Variants in PRKCH observed in about 807,000 individuals in gnomAD.
PRKCH encodes protein kinase C eta type.
In PRKCH, 28 loss-of-function variants were observed where a neutral mutation model predicts 82.5. The observed-to-expected ratio is 0.34, with a 90% CI of 0.25 to 0.47. The LOEUF is 0.47. PRKCH is among the 20% of genes least tolerant of loss of function. The probability of loss-of-function intolerance (pLI) is 1.00; values close to 1 mark genes in which losing one functional copy is unlikely to be tolerated. For missense variants in PRKCH, 705 were observed against 881.8 expected (o/e 0.80, Z 2.54); for synonymous variants, 322 against 327.4 (o/e 0.98, Z 0.18).
chr14:61,418,351 T>G (rs1215271033), intron 2 of PRKCH, among the ~76,000 whole-genome samples: 1 of 152,234 alleles, frequency 6.6e-6, no homozygotes, highest in Non-Finnish European at 1.5e-5. Flanking sequence ...ATAAACTCAC[T>G]GTCTGGAGAG....
At chr14:61,435,903 C>T (rs752217968) in intron 2 of PRKCH, among the ~76,000 whole-genome samples, 7 of 152,060 alleles carry the variant, frequency 4.6e-5, no homozygotes, top group East Asian at 1.9e-4. Flanking sequence ...CTAAGAAAGA[C>T]GATTATAGAG....
intron 4 of PRKCH, among the ~76,000 whole-genome samples, chr14:61,446,739 C>A (rs8020230): frequency 0.017 from 2,559 of 152,320 alleles, 77 homozygotes; most frequent in African/African-American, 0.059. Flanking sequence ...GCCAGAATCG[C>A]TGTCACTTTG....
intron 1 of PRKCH, among the ~76,000 whole-genome samples, chr14:61,328,107 G>C (rs577417521): frequency 6.6e-6 from 1 of 151,402 alleles, no homozygotes; most frequent in African/African-American, 2.4e-5. Context: ...AAAATTAGCC[G>C]GGCGCGGTGG....
intron 1 of PRKCH, among the ~76,000 whole-genome samples, chr14:61,315,954 G>A (rs1357917717): frequency 6.6e-6 from 1 of 151,926 alleles, no homozygotes; most frequent in East Asian, 1.9e-4. Flanking sequence ...CATCATGTTG[G>A]TCAGGCTGGT....
intron 10 of PRKCH, among the ~76,000 whole-genome samples, chr14:61,496,325 A>G (rs1047258243): frequency 6.6e-6 from 1 of 152,198 alleles, no homozygotes; most frequent in African/African-American, 2.4e-5. Flanking sequence ...GGCTCTGGGA[A>G]GTGAAAGGAC....
chr14:61,445,801 G>C (rs1884192541), intron 4 of PRKCH, 75 bp downstream of exon 4: 2 of 1,416,046 alleles, frequency 1.4e-6, no homozygotes, highest in Non-Finnish European at 2.0e-6. Context: ...AGAGAAAACA[G>C]GGTATCTTCC....
Position 61,280,242 on chromosome 14 carries a change from G to A in PRKCH, c.-19+92574G>A, listed in dbSNP as rs2140091918. On this transcript the variant is annotated intron_variant, in intron 1 of 3. Transcript: ENST00000555185. This position sits in a 1 kb window ranked among gnomAD's most constrained non-coding sequence, Gnocchi z 5.0. ...CCATCCACGAGATGCTGCTGAAGAT[G>A]AGGAGCTTGTGGCCGCCGAACGCGC... The A allele has an allele frequency of 1.2e-6, 2 of 1,614,130 alleles. No homozygotes were observed. The highest frequency in any genetic ancestry group is 1.7e-6 in the Non-Finnish European group (2 of 1,180,010).
intron 1 of PRKCH, among the ~76,000 whole-genome samples, chr14:61,353,144 G>A (rs2046104228): frequency 6.6e-6 from 1 of 152,168 alleles, no homozygotes; most frequent in Non-Finnish European, 1.5e-5. Flanking sequence ...TTGTAGATAA[G>A]AGATCGTGGT....
chr14:61,493,072 GC>G, intron 10 of PRKCH, among the ~76,000 whole-genome samples: 1 of 152,342 alleles, frequency 6.6e-6, no homozygotes, highest in East Asian at 1.9e-4. Context: ...AGAGGAGGCT[GC>G]AGAAATGAAG....
intron 9 of PRKCH, among the ~76,000 whole-genome samples, chr14:61,476,857 A>G (rs1026073257): frequency 4.0e-5 from 6 of 149,056 alleles, no homozygotes; most frequent in Admixed American, 2.6e-4. Flanking sequence ...GTGCAAAATG[A>G]TAAGTTCAAA....
At chr14:61,488,987 A>G (rs891949100) in intron 10 of PRKCH, among the ~76,000 whole-genome samples, 1 of 152,198 alleles carries the variant, frequency 6.6e-6, no homozygotes, top group Non-Finnish European at 1.5e-5. Flanking sequence ...TTCAAATGCT[A>G]TTTTTATCCC....
intron 9 of PRKCH, among the ~76,000 whole-genome samples, chr14:61,464,636 T>C (rs779800217): frequency 1.3e-5 from 2 of 152,080 alleles, no homozygotes; most frequent in Admixed American, 6.5e-5. Context: ...GAACATGTGG[T>C]GTTTGATTTT....
chr14:61,216,634 C>G (rs928737486), intron 1 of PRKCH, among the ~76,000 whole-genome samples: 1 of 152,180 alleles, frequency 6.6e-6, no homozygotes, highest in African/African-American at 2.4e-5. Context: ...ACACTTCACA[C>G]TTACTTCACT....
chr14:61,454,164 A>G (rs1298875498), intron 7 of PRKCH, among the ~76,000 whole-genome samples: 2 of 150,116 alleles, frequency 1.3e-5, no homozygotes, highest in African/African-American at 4.9e-5. Context: ...CCTGGAGTGC[A>G]GTGATATTCG....
At chr14:61,359,687 G>GA (rs1594944340) in intron 1 of PRKCH, among the ~76,000 whole-genome samples, 1 of 152,196 alleles carries the variant, frequency 6.6e-6, no homozygotes, top group African/African-American at 2.4e-5. Context: ...TTAAAAGAGT[G>GA]ATGGCTGAAC....
At chr14:61,236,407 T>C (rs2044788204) in intron 1 of PRKCH, among the ~76,000 whole-genome samples, 2 of 151,490 alleles carry the variant, frequency 1.3e-5, no homozygotes, top group Admixed American at 6.6e-5. Context: ...ATAAAACAGG[T>C]TGCAGTAAAG....
At chr14:61,320,424 A>T (rs1387741349), upstream of PRKCH, among the ~76,000 whole-genome samples, 1 of 151,974 alleles carries the variant, frequency 6.6e-6, no homozygotes, top group Non-Finnish European at 1.5e-5. Context: ...ACATGGAGAA[A>T]CCCTGTCTCT....
chr14:61,523,164 C>T (rs1015560212), intron 10 of PRKCH, among the ~76,000 whole-genome samples: 4 of 152,222 alleles, frequency 2.6e-5, no homozygotes, highest in Non-Finnish European at 5.9e-5. Flanking sequence ...ATGATCTGCA[C>T]ATTTGACCAC....
chr14:61,429,225 A>T (rs1883272026), intron 2 of PRKCH, among the ~76,000 whole-genome samples: 1 of 152,224 alleles, frequency 6.6e-6, no homozygotes, highest in Admixed American at 6.5e-5. Flanking sequence ...CAGAAAAAGT[A>T]GACTGGAAGA....
Sources: allele counts gnomAD v4.1 joint callset (sites outside exome capture counted in the v4.1 genomes callset), GRCh38; gene constraint gnomAD v4.1.1; non-coding constraint Gnocchi (gnomAD v3.1); transcripts MANE v1.5; gene names NCBI Gene and HGNC (gene_info 2026-07-23, HGNC 2026-07-21).